The following GRID2 variants were observed in gnomAD, a reference collection of about 807,000 sequenced individuals.
GRID2 encodes the protein glutamate receptor ionotropic, delta-2.
In GRID2, 33 loss-of-function variants were observed where a neutral mutation model predicts 114.8. The observed-to-expected ratio is 0.29, with a 90% CI of 0.22 to 0.38. The LOEUF (loss-of-function observed/expected upper bound fraction) is 0.38. GRID2 is among the 10% of genes least tolerant of loss of function. The pLI, the probability that GRID2 is intolerant of heterozygous loss-of-function variation, is 1.00. For missense variants in GRID2, 1,184 were observed against 1,257.7 expected, an observed-to-expected ratio of 0.94 and a Z score of 0.89; for synonymous variants, 505 against 449.9, an observed-to-expected ratio of 1.12 and a Z score of -1.55.
chr4:93,402,730 A>G (rs1184325172), intron 9 of GRID2, among the ~76,000 whole-genome samples: 1 of 152,168 alleles, frequency 6.6e-6, no homozygotes, highest in East Asian at 1.9e-4. Context: ...AGCACCCTGA[A>G]TTATGATTTT....
chr4:92,773,634 T>C (rs1454467410), intron 2 of GRID2, among the ~76,000 whole-genome samples: 1 of 151,936 alleles, frequency 6.6e-6, no homozygotes, highest in East Asian at 1.9e-4. Context: ...ATATAAAAAA[T>C]AGTTAATACC....
intron 2 of GRID2, among the ~76,000 whole-genome samples, chr4:93,080,450 G>A (rs150866403): frequency 2.6e-5 from 4 of 152,224 alleles, no homozygotes; most frequent in African/African-American, 9.6e-5. Flanking sequence ...GTTACAATCC[G>A]CCAGGCTACT....
At chr4:92,307,016 T>G (rs1045186770) in intron 1 of GRID2, among the ~76,000 whole-genome samples, 4 of 152,064 alleles carry the variant, frequency 2.6e-5, no homozygotes, top group African/African-American at 9.7e-5. Flanking sequence ...CGAAAAACAT[T>G]AACTCCTAAA....
At chr4:93,502,721 C>T (rs1388402462) in intron 12 of GRID2, among the ~76,000 whole-genome samples, 1 of 112,022 alleles carries the variant, frequency 8.9e-6, no homozygotes, top group African/African-American at 3.5e-5. Context: ...CCCCCCCACA[C>T]ACACACGCAC....
At chr4:93,670,919 G>A (rs1327598229) in intron 14 of GRID2, among the ~76,000 whole-genome samples, 1 of 152,218 alleles carries the variant, frequency 6.6e-6, no homozygotes, top group Non-Finnish European at 1.5e-5. Flanking sequence ...AGGCAGCCCA[G>A]TGTGCGTTTG....
intron 2 of GRID2, among the ~76,000 whole-genome samples, chr4:92,658,237 G>A (rs913028077): frequency 6.6e-6 from 1 of 151,772 alleles, no homozygotes; most frequent in Non-Finnish European, 1.5e-5. Context: ...AAACAGTTTA[G>A]ATACGGTACT....
intron 2 of GRID2, among the ~76,000 whole-genome samples, chr4:92,905,057 T>A (rs1215601901): frequency 6.6e-6 from 1 of 152,086 alleles, no homozygotes; most frequent in Non-Finnish European, 1.5e-5. Flanking sequence ...ATTAGTTAAG[T>A]GACAGTGATC....
At chr4:93,410,630 C>G (rs1560591412) in intron 9 of GRID2, among the ~76,000 whole-genome samples, 1 of 152,218 alleles carries the variant, frequency 6.6e-6, no homozygotes, top group East Asian at 1.9e-4. Context: ...GTTGCCCCAA[C>G]TGGAGAGCAA....
At chr4:93,349,455 C>G (rs1464863967) in intron 8 of GRID2, among the ~76,000 whole-genome samples, 1 of 151,704 alleles carries the variant, frequency 6.6e-6, no homozygotes, top group Non-Finnish European at 1.5e-5. Flanking sequence ...TTTTTTCTCT[C>G]TCATTCATGG....
intron 1 of GRID2, among the ~76,000 whole-genome samples, chr4:92,309,026 G>A (rs1364461396): frequency 6.6e-6 from 1 of 151,974 alleles, no homozygotes; most frequent in Non-Finnish European, 1.5e-5. Flanking sequence ...TACCAACTAT[G>A]ACATGACTAA....
intron 1 of GRID2, among the ~76,000 whole-genome samples, chr4:92,528,967 A>T (rs1725178530): frequency 6.6e-6 from 1 of 152,080 alleles, no homozygotes; most frequent in Non-Finnish European, 1.5e-5. Context: ...TCCTTAGAAC[A>T]TCTAAGTGAA....
chr4:93,464,016 C>G (rs1180733117), intron 11 of GRID2, among the ~76,000 whole-genome samples: 1 of 152,040 alleles, frequency 6.6e-6, no homozygotes, highest in Non-Finnish European at 1.5e-5. Context: ...CAAGCAGGTG[C>G]TATAGATTCT....
At chr4:92,605,503 A>G (rs1199697940) in intron 2 of GRID2, among the ~76,000 whole-genome samples, 2 of 152,124 alleles carry the variant, frequency 1.3e-5, no homozygotes, top group African/African-American at 4.8e-5. Context: ...GACATAAAAT[A>G]ATGATACTAA....
chr4:92,428,038 G>A (rs7653951), intron 1 of GRID2, among the ~76,000 whole-genome samples: 2,534 of 152,042 alleles, frequency 0.017, 77 homozygotes, highest in African/African-American at 0.058. Context: ...TGAGGCGGGC[G>A]GATCATGAGG....
chr4:92,966,212 C>T (rs371505637), intron 2 of GRID2, among the ~76,000 whole-genome samples: 9 of 151,894 alleles, frequency 5.9e-5, no homozygotes, highest in African/African-American at 2.2e-4. Flanking sequence ...GGAGAAAAGC[C>T]TGAAACTGAA....
intron 2 of GRID2, among the ~76,000 whole-genome samples, chr4:92,790,972 A>G (rs944151497): frequency 1.3e-5 from 2 of 151,654 alleles, no homozygotes; most frequent in Admixed American, 6.6e-5. Flanking sequence ...TTTAATCTCT[A>G]TGCTTTTGTT....
intron 13 of GRID2, among the ~76,000 whole-genome samples, chr4:93,607,230 A>T (rs1441259235): frequency 6.6e-6 from 1 of 152,136 alleles, no homozygotes; most frequent in Non-Finnish European, 1.5e-5. Context: ...TTAATAACGT[A>T]CTAACATGTT....
In GRID2 at chr4:92,411,624, CATGTGTGT is replaced by C. The variant is rs1245789465; in HGVS notation, c.88+106881_88+106888del. On this transcript the variant is annotated intron_variant, in intron 1 of 15. Transcript: ENST00000282020. ...TGTGCATTATATATAGATATATATG[CATGTGTGT>C]GTGTGTGTGTGTGTGTGTGTGTGTA... 1.5e-3 allele frequency among the ~76,000 whole-genome samples: 137 copies of C among 90,634 alleles called. 16 individuals carry two copies. Among genetic ancestry groups the C allele is most frequent in the Non-Finnish European group, 2.0e-3 (91 of 45,652 alleles). 59.5% of individuals were successfully genotyped at this position (90,634 alleles called of 152,430 possible).
chr4:93,459,891 C>A (rs1302162369), intron 11 of GRID2, among the ~76,000 whole-genome samples: 1 of 152,140 alleles, frequency 6.6e-6, no homozygotes, highest in African/African-American at 2.4e-5. Context: ...AAATAGTTTT[C>A]ATTTCTTCCT....
Sources: allele counts gnomAD v4.1 joint callset (sites outside exome capture counted in the v4.1 genomes callset), GRCh38; gene constraint gnomAD v4.1.1; transcripts MANE v1.5; gene names NCBI Gene and HGNC (gene_info 2026-07-23, HGNC 2026-07-21).